The following NF1 variants were observed in gnomAD, a reference collection of about 807,000 sequenced individuals.
NF1 encodes the protein neurofibromin 1.
In NF1, 122 loss-of-function variants were observed where a neutral mutation model predicts 325.7. The observed-to-expected ratio is 0.37, with a 90% CI of 0.32 to 0.44. The LOEUF (loss-of-function observed/expected upper bound fraction) is 0.44, where lower values mean the gene tolerates loss of function less well. NF1 is among the 20% of genes least tolerant of loss of function. NF1 has a pLI of 1.00. For missense variants in NF1, 2,140 were observed against 3,415.4 expected (o/e 0.63, Z 9.31); for synonymous variants, 1,091 against 1,186.0 (o/e 0.92, Z 1.65).
At chr17:31,232,043 A>ATTTTTTTTTTTTTTTTTTTTTT in intron 24 of NF1, 30 bp from the exon 25 acceptor site, 1 of 589,642 alleles carries the variant, frequency 1.7e-6, no homozygotes, top group Non-Finnish European at 2.5e-6. Flanking sequence ...TGGTCTCTAA[A>ATTTTTTTTTTTTTTTTTTTTTT]TTTTTTTTTT....
intron 1 of NF1, chr17:31,138,028 G>A (rs1915903227): frequency 6.6e-6 from 1 of 151,934 alleles, no homozygotes; most frequent in Non-Finnish European, 1.5e-5. Flanking sequence ...ATAATAACAT[G>A]TTGGGATACC....
chr17:31,326,394 T>C (rs2069343018), intron 37 of NF1, 142 bp downstream of exon 37: 1 of 801,066 alleles, frequency 1.2e-6, no homozygotes, highest in African/African-American at 1.7e-5. Context: ...ACGCCTGTAA[T>C]CCAAGCACTT....
intron 27 of NF1, among the ~76,000 whole-genome samples, chr17:31,234,691 A>G (rs925978889): frequency 6.6e-6 from 1 of 151,484 alleles, no homozygotes; most frequent in African/African-American, 2.4e-5. Context: ...AAAAAAAAAA[A>G]AAAAAGAATC....
chr17:31,259,057 T>A lies in NF1; in HGVS notation c.4358T>A (p.Val1453Asp), dbSNP rs1306807858. 1 of 1,602,534 alleles carries A rather than the reference T, an allele frequency of 6.2e-7. No homozygotes were observed. Among genetic ancestry groups the A allele is most frequent in the Non-Finnish European group, 8.5e-7 (1 of 1,173,114 alleles). The part of the protein sequence containing the change: ...SKILQSIANH[V>D]LFTKEEHMRP... ...ATACTTCAGAGTATTGCCAATCATGTTCTCTTCACAAAAGAAGAACATATG... is the reference window on the plus strand; with the variant it reads ...ATACTTCAGAGTATTGCCAATCATGATCTCTTCACAAAAGAAGAACATATG... The change falls in exon 33 of 58, where the codon GTT becomes GAT. Residue 1453 changes from valine to aspartate, a missense_variant. This residue lies in a region of NF1 where 336 missense variants were observed against 399.0 expected (regional missense o/e 0.84). Transcript: ENST00000358273.
intron 36 of NF1, among the ~76,000 whole-genome samples, chr17:31,292,511 G>C (rs2068363094): frequency 6.6e-6 from 1 of 152,046 alleles, no homozygotes. Flanking sequence ...CGGCCCTGTG[G>C]AACGTGCTTC....
intron 31 of NF1, among the ~76,000 whole-genome samples, chr17:31,254,754 C>A (rs1208419102): frequency 1.3e-5 from 2 of 151,514 alleles, no homozygotes; most frequent in Non-Finnish European, 2.9e-5. Flanking sequence ...GAGTTATTTT[C>A]AAAAAATTTT....
intron 1 of NF1, among the ~76,000 whole-genome samples, chr17:31,145,578 A>G (rs1214191485): frequency 6.6e-6 from 1 of 151,942 alleles, no homozygotes; most frequent in Non-Finnish European, 1.5e-5. Flanking sequence ...TTATCTGATA[A>G]ATTCTTGGTT....
intron 36 of NF1, chr17:31,295,990 A>G: frequency 6.2e-7 from 1 of 1,614,128 alleles, no homozygotes; most frequent in Non-Finnish European, 8.5e-7. Context: ...CAGATTTGTC[A>G]AGAAGTTTAA....
chr17:31,318,644 C>T (rs748478382), intron 36 of NF1: 2 of 1,613,916 alleles, frequency 1.2e-6, no homozygotes, highest in African/African-American at 1.3e-5. Flanking sequence ...GCACAGACAT[C>T]CTTTTTGAAA....
chr17:31,158,601 G>A (rs1216204973), intron 2 of NF1, among the ~76,000 whole-genome samples: 1 of 152,130 alleles, frequency 6.6e-6, no homozygotes, highest in Admixed American at 6.5e-5. Flanking sequence ...TTTGAGGATA[G>A]TGAGTACTTA....
chr17:31,354,249 T>G (rs2070218517), intron 51 of NF1, among the ~76,000 whole-genome samples: 1 of 152,018 alleles, frequency 6.6e-6, no homozygotes, highest in Admixed American at 6.6e-5. Context: ...CTGGGGAAAT[T>G]AGAAGAAAAA....
At chr17:31,343,387 A>G (rs2069878925) in intron 48 of NF1, among the ~76,000 whole-genome samples, 1 of 151,854 alleles carries the variant, frequency 6.6e-6, no homozygotes, top group Admixed American at 6.6e-5. Flanking sequence ...TCTACAGAAA[A>G]TTTAAAAATT....
intron 3 of NF1, 34 bp from the exon 4 acceptor site, chr17:31,163,152 A>G (rs984194433): frequency 6.2e-7 from 1 of 1,605,754 alleles, no homozygotes; most frequent in Non-Finnish European, 8.5e-7. Context: ...AGGTAAAATT[A>G]AAGTTTAGAA....
At chr17:31,275,829 CT>C (rs1011579673) in intron 36 of NF1, among the ~76,000 whole-genome samples, 2 of 152,114 alleles carry the variant, frequency 1.3e-5, no homozygotes, top group African/African-American at 4.8e-5. Context: ...CATATTCTGG[CT>C]TTTTTTGTGG....
chr17:31,207,013 T>C (rs553960095), intron 12 of NF1, among the ~76,000 whole-genome samples: 5 of 152,290 alleles, frequency 3.3e-5, no homozygotes, highest in African/African-American at 1.2e-4. Context: ...AAGATAATTA[T>C]AAGATTGTGG....
intron 39 of NF1, chr17:31,331,185 A>G (rs1334965649): frequency 6.6e-6 from 1 of 152,140 alleles, no homozygotes; most frequent in Admixed American, 6.5e-5. Context: ...AGCTTCAGCA[A>G]TTCACTAAGA....
chr17:31,356,319 G>C, intron 51 of NF1, 141 bp from the exon 52 acceptor site: 2 of 769,176 alleles, frequency 2.6e-6, no homozygotes, highest in Non-Finnish European at 4.3e-6. Context: ...GAAAGAAACT[G>C]CTCCAGGGAT....
chr17:31,219,572 T>G (rs1371067566), intron 14 of NF1, among the ~76,000 whole-genome samples: 1 of 152,054 alleles, frequency 6.6e-6, no homozygotes, highest in African/African-American at 2.4e-5. Flanking sequence ...CATGTTGGTG[T>G]GCTGCACCCA....
chr17:31,228,431 G>T (rs1369835242), intron 20 of NF1, among the ~76,000 whole-genome samples: 1 of 152,038 alleles, frequency 6.6e-6, no homozygotes, highest in Admixed American at 6.6e-5. Flanking sequence ...CTTTTGGGGG[G>T]ATAACTGTTT....
Sources: gnomAD v4.1 joint callset for allele counts (sites outside exome capture counted in the v4.1 genomes callset) on GRCh38, gnomAD v4.1.1 for gene constraint, gnomAD v4.1.1 regional missense constraint, MANE v1.5 for transcripts, NCBI Gene and HGNC (gene_info 2026-07-23, HGNC 2026-07-21) for gene names.